U2SURP: variants seen among roughly 807,000 people sequenced by gnomAD.
The protein encoded by U2SURP is U2 snRNP associated SURP domain containing, also known as U2 snRNP-associated SURP motif-containing protein.
Under a neutral mutation model 144.9 loss-of-function variants are expected in U2SURP, and 9 were observed. That is an observed-to-expected ratio of 0.06 (90% CI 0.04 to 0.11). The LOEUF (loss-of-function observed/expected upper bound fraction) is 0.11, where lower values mean the gene tolerates loss of function less well. Among genes scored for constraint, U2SURP ranks in the 10% least tolerant of loss-of-function variants. U2SURP has a pLI of 1.00. For synonymous variants in U2SURP, 408 were observed against 396.8 expected, an observed-to-expected ratio of 1.03 and a Z score of -0.33; for missense variants, 724 against 1,226.7, an observed-to-expected ratio of 0.59 and a Z score of 6.12.
intron 23 of U2SURP, among the ~76,000 whole-genome samples, chr3:143,041,969 T>TAC (rs10550292): frequency 0.075 from 11,211 of 149,468 alleles, 464 homozygotes; most frequent in Middle Eastern, 0.12. Context: ...GCCAATAGTA[T>TAC]ACACACACAC....
intron 25 of U2SURP, among the ~76,000 whole-genome samples, chr3:143,052,784 C>T (rs1462466306): frequency 3.3e-5 from 5 of 152,192 alleles, no homozygotes; most frequent in Admixed American, 3.3e-4. Context: ...TATCACATAG[C>T]TTGCTTGATG....
At chr3:143,017,127 C>A in intron 6 of U2SURP, 152 bp downstream of exon 6, 1 of 589,798 alleles carries the variant, frequency 1.7e-6, no homozygotes, top group Non-Finnish European at 2.7e-6. Context: ...CAGTAATTTA[C>A]TTAGATGAGA....
intron 16 of U2SURP, 44 bp downstream of exon 16, chr3:143,028,690 G>A: frequency 6.7e-7 from 1 of 1,490,424 alleles, no homozygotes; most frequent in African/African-American, 1.4e-5. Context: ...AAAAGTAACT[G>A]TAATGGTTGC....
Position 143,050,167 on chromosome 3 carries a change from G to A in U2SURP, c.2545-772G>A, listed in dbSNP as rs150063157. 1.4e-4 allele frequency among the ~76,000 whole-genome samples: 21 copies of A among 151,936 alleles called. No homozygotes were observed. In the East Asian group the frequency reaches 2.9e-3, roughly 21 times the overall value. On this transcript the variant is annotated intron_variant, in intron 24 of 27. Coordinates refer to ENST00000473835, the MANE Select transcript of U2SURP (RefSeq NM_001080415.2). ...CGGCTCACCGCAACCTCCGCCCACC[G>A]GGTTCAAGCGATTCTCCTGCCTCAG...
intron 23 of U2SURP, among the ~76,000 whole-genome samples, chr3:143,042,077 G>A (rs1934145691): frequency 6.6e-6 from 1 of 151,862 alleles, no homozygotes. Flanking sequence ...TACTAGCATT[G>A]ATGACCAGCT....
chr3:143,015,273 C>T (rs1936309667), intron 4 of U2SURP, among the ~76,000 whole-genome samples: 1 of 151,994 alleles, frequency 6.6e-6, no homozygotes, highest in South Asian at 2.1e-4. Context: ...ATATCTGAAC[C>T]ATTTTTTTCT....
intron 6 of U2SURP, among the ~76,000 whole-genome samples, chr3:143,019,279 G>A (rs891015471): frequency 1.3e-5 from 2 of 152,110 alleles, no homozygotes; most frequent in African/African-American, 4.8e-5. Context: ...AAACTTTAAT[G>A]GAGTCCAATT....
intron 1 of U2SURP, among the ~76,000 whole-genome samples, chr3:143,007,044 T>A (rs1295213971): frequency 1.3e-5 from 2 of 152,160 alleles, no homozygotes; most frequent in Non-Finnish European, 2.9e-5. Flanking sequence ...AGAAGAAAAC[T>A]AGTTTTGTTC....
intron 2 of U2SURP, 56 bp from the exon 3 acceptor site, chr3:143,012,166 C>T (rs569923988): frequency 1.3e-6 from 2 of 1,576,616 alleles, no homozygotes; most frequent in East Asian, 4.5e-5. Flanking sequence ...GTTTTCAGTG[C>T]TATATATGTA....
At chr3:143,052,041 T>C (rs1423154502) in intron 25 of U2SURP, among the ~76,000 whole-genome samples, 1 of 152,194 alleles carries the variant, frequency 6.6e-6, no homozygotes, top group Non-Finnish European at 1.5e-5. Context: ...CACCACTGTT[T>C]AAAAGTTGCC....
intron 1 of U2SURP, among the ~76,000 whole-genome samples, chr3:143,005,551 A>G (rs1461807240): frequency 1.3e-5 from 2 of 152,164 alleles, no homozygotes; most frequent in South Asian, 2.1e-4. Flanking sequence ...GGAAGGTAGA[A>G]CTGAACTTCC....
Position 143,053,734 on chromosome 3 carries a change from T to G in U2SURP, c.2714T>G (p.Leu905Trp). Residue 905 changes from leucine to tryptophan, a missense_variant, in exon 26 of 28, where the codon TTG becomes TGG. Physicochemically the swap from Leu to Trp is moderately conservative, Grantham distance 61. Coordinates refer to ENST00000473835, the MANE Select transcript of U2SURP (RefSeq NM_001080415.2). ...RERDKKDKEK[L>W]ESRSKDKKEK... is the part of the protein sequence containing the mutation. ...AGAGACAAGAAAGATAAAGAAAAATTGGAATCTCGCTCCAAAGACAAGAAG... is the reference window on the plus strand; with the variant it reads ...AGAGACAAGAAAGATAAAGAAAAATGGGAATCTCGCTCCAAAGACAAGAAG... 6.2e-7 allele frequency: 1 copy of G among 1,608,216 alleles called. No individual in the cohort carries two copies. The highest frequency in any genetic ancestry group is 8.5e-7 in the Non-Finnish European group (1 of 1,177,028).
chr3:143,043,310 A>C, intron 24 of U2SURP, 34 bp downstream of exon 24: 1 of 1,558,130 alleles, frequency 6.4e-7, no homozygotes, highest in Non-Finnish European at 8.7e-7. Flanking sequence ...ATTACACTTT[A>C]TTGGCTTTTC....
intron 26 of U2SURP, 148 bp downstream of exon 26, chr3:143,053,942 C>T (rs528181032): frequency 7.8e-6 from 5 of 638,062 alleles, no homozygotes; most frequent in South Asian, 2.7e-5. Flanking sequence ...GCAGAAATAG[C>T]GGAGAAATGG....
In U2SURP at chr3:143,032,773, T is replaced by C. The variant is rs1348367806; in HGVS notation, c.1611-11T>C. ...TCTAAATATTTATAAGTTAAAACAA[T>C]TTATGTTCAGACAGAGGGATAAATT... On this transcript the variant is annotated splice_polypyrimidine_tract_variant and intron_variant, in intron 16 of 27. Coordinates refer to ENST00000473835, the MANE Select transcript of U2SURP (RefSeq NM_001080415.2). 6.2e-7 allele frequency: 1 copy of C among 1,603,980 alleles called. No homozygotes were observed. Among genetic ancestry groups the C allele is most frequent in the Non-Finnish European group, 8.5e-7 (1 of 1,176,218 alleles).
intron 4 of U2SURP, among the ~76,000 whole-genome samples, chr3:143,015,383 A>G (rs1936318141): frequency 6.6e-6 from 1 of 151,982 alleles, no homozygotes; most frequent in Non-Finnish European, 1.5e-5. Flanking sequence ...CCATGCAGAA[A>G]CTATTGTACA....
At chr3:143,010,647 C>T (rs753174794) in intron 1 of U2SURP, among the ~76,000 whole-genome samples, 168 bp from the exon 2 acceptor site, 1 of 152,160 alleles carries the variant, frequency 6.6e-6, no homozygotes, top group Non-Finnish European at 1.5e-5. Flanking sequence ...TACACATTTA[C>T]TTTGTATCAC....
At chr3:143,027,333 G>A in intron 14 of U2SURP, 80 bp downstream of exon 14, 1 of 1,032,790 alleles carries the variant, frequency 9.7e-7, no homozygotes, top group Non-Finnish European at 1.4e-6. Context: ...ACAGTTCAGT[G>A]TCATTAAGTA....
chr3:143,003,812 C>T (rs1935672871), intron 1 of U2SURP, among the ~76,000 whole-genome samples: 1 of 151,040 alleles, frequency 6.6e-6, no homozygotes, highest in African/African-American at 2.4e-5. Context: ...CTGCCTCAGC[C>T]TCCCTAGTAG....
Sources: gnomAD v4.1 joint callset for allele counts (sites outside exome capture counted in the v4.1 genomes callset) on GRCh38, gnomAD v4.1.1 for gene constraint, MANE v1.5 for transcripts, NCBI Gene and HGNC (gene_info 2026-07-23, HGNC 2026-07-21) for gene names.